Variants in RBM26 observed in about 807,000 individuals in gnomAD.
RBM26 encodes the protein RNA-binding protein 26.
A neutral mutation model predicts 123.6 loss-of-function variants in RBM26; 30 were observed. That is an observed-to-expected ratio of 0.24 (90% confidence interval 0.18 to 0.33). The LOEUF is 0.33. Among genes scored for constraint, RBM26 ranks in the 10% least tolerant of loss-of-function variants. RBM26 has a pLI of 1.00. For missense variants in RBM26, 947 were observed against 1,203.6 expected (o/e 0.79, Z 3.15); for synonymous variants, 400 against 404.4 (o/e 0.99, Z 0.13).
At chr13:79,366,941 A>G in intron 6 of RBM26, 69 bp from the exon 7 acceptor site, 1 of 1,312,520 alleles carries the variant, frequency 7.6e-7, no homozygotes, top group Admixed American at 2.5e-5. Context: ...CTAAGTTAGC[A>G]AAAGTAAAAT....
intron 2 of RBM26, 149 bp from the exon 3 acceptor site, chr13:79,377,664 C>T (rs1037944678): frequency 1.3e-4 from 88 of 671,516 alleles, no homozygotes; most frequent in African/African-American, 3.6e-4. Flanking sequence ...TGGTGGCTTA[C>T]GTCTGTAATC....
chr13:79,402,000 A>T (rs1365110691), intron 1 of RBM26, among the ~76,000 whole-genome samples: 1 of 147,926 alleles, frequency 6.8e-6, no homozygotes, highest in African/African-American at 2.5e-5. Flanking sequence ...TTAAAGTTTC[A>T]TTAGATGTTT....
In RBM26 at chr13:79,319,949, C is replaced by CTTTTTTTTTT. The variant is rs56071300; in HGVS notation, c.*662_*671dup. The stretch of plus-strand genomic sequence containing the variant: ...TTTAAATCAAGGAACATTGTCTTGG[C>CTTTTTTTTTT]TTTTTTTTTTTTTTTTTTTTTGTCA... On this transcript the variant is annotated 3_prime_UTR_variant, in exon 22 of 22. Transcript: ENST00000438737. The CTTTTTTTTTT allele has an allele frequency of 1.3e-4, 15 of 116,102 alleles. No homozygotes were observed. The highest frequency in any genetic ancestry group is 1.4e-4 in the Non-Finnish European group (15 of 104,538). The allele number at this position is 116,102 out of a possible 1,614,324, so 7.2% of individuals were successfully genotyped here.
chr13:79,314,255 G>C (rs144906740), downstream of RBM26: 3 of 151,588 alleles, frequency 2.0e-5, no homozygotes, highest in Admixed American at 2.0e-4. Context: ...GGTCGTCTTC[G>C]ATGTCTTGAT....
intron 3 of RBM26, among the ~76,000 whole-genome samples, chr13:79,374,378 T>C (rs532860212): frequency 9.8e-4 from 149 of 152,158 alleles, no homozygotes; most frequent in Non-Finnish European, 1.8e-3. Flanking sequence ...GGAGGGATAC[T>C]TGGGAGGCTG....
At chr13:79,376,247 T>G (rs2076659519) in intron 3 of RBM26, 2 of 152,210 alleles carry the variant, frequency 1.3e-5, no homozygotes, top group Non-Finnish European at 2.9e-5. Flanking sequence ...TTGCCTAGGC[T>G]GCAGTGTAAT....
At position 79,355,192 on chromosome 13, in the gene RBM26, C is replaced by A. The variant is rs781456128; in HGVS notation, c.1854+28G>T. 6 of 1,605,978 alleles carry A rather than the reference C, an allele frequency of 3.7e-6. No individual in the cohort carries two copies. The Admixed American group carries it at 8.4e-5, about 22-fold the overall frequency. On this transcript the variant is annotated intron_variant, in intron 12 of 21. Coordinates refer to ENST00000438737, the MANE Select transcript of RBM26 (RefSeq NM_001366735.2). ...TGCTAAGAGCTTTCTAAGAAATGCG[C>A]GTACTTTTACACAAATTCCTCTCTT... is the stretch of plus-strand genomic sequence containing the variant.
intron 15 of RBM26, 125 bp from the exon 16 acceptor site, chr13:79,344,447 G>T: frequency 1.1e-6 from 1 of 876,512 alleles, no homozygotes; most frequent in Non-Finnish European, 1.8e-6. Context: ...GCTTTTCTAT[G>T]TAAAACTTAA....
intron 1 of RBM26, among the ~76,000 whole-genome samples, chr13:79,394,998 A>C (rs1159119475): frequency 6.6e-6 from 1 of 152,170 alleles, no homozygotes; most frequent in African/African-American, 2.4e-5. Flanking sequence ...GAATCAAACG[A>C]AAGTTGTTAC....
rs2075598331 is a variant in RBM26 at position 79,368,895 on chromosome 13, C to A, written c.730G>T (p.Gly244Cys). ...PVSSVPSISS[G>C]HYPVPTLSST... ...CTCAAAGTAGGTACAGGGTAGTGGCCAGATGAAATACTAGGTACCGAAGAG... is the reference window on the plus strand; with the variant it reads ...CTCAAAGTAGGTACAGGGTAGTGGCAAGATGAAATACTAGGTACCGAAGAG... The change falls in exon 6 of 22, where the codon GGC becomes TGC. Residue 244 changes from glycine (G) to cysteine (C), a missense_variant. Physicochemically the swap from Gly to Cys is radical, Grantham distance 159. Transcript: ENST00000438737. 1 of 1,612,886 alleles carries A rather than the reference C, an allele frequency of 6.2e-7. No individual in the cohort carries two copies. The highest frequency in any genetic ancestry group is 1.3e-5 in the African/African-American group (1 of 74,890).
chr13:79,357,235 T>C (rs1399471967), intron 11 of RBM26, among the ~76,000 whole-genome samples: 2 of 152,148 alleles, frequency 1.3e-5, no homozygotes, highest in Non-Finnish European at 2.9e-5. Flanking sequence ...TGAATCTTTT[T>C]CCCGCTCTAT....
At chr13:79,361,662 T>C (rs2074700548) in intron 9 of RBM26, among the ~76,000 whole-genome samples, 1 of 152,194 alleles carries the variant, frequency 6.6e-6, no homozygotes, top group African/African-American at 2.4e-5. Flanking sequence ...TTAGGTATTA[T>C]ATTCCCTGGG....
In RBM26 at chr13:79,366,781, C is replaced by G. The variant is rs150410620; in HGVS notation, c.987G>C (p.Leu329=). The change falls in exon 7 of 22, where the codon CTG becomes CTC. Residue 329 remains leucine, a synonymous_variant. Transcript: ENST00000438737. The part of the protein sequence containing the change: ...VVEDVNLPGM[L]PFPAQPPVVE... Reference sequence around the variant, plus strand: ...CAACAGGAGGCTGTGCTGGGAAAGGCAGCATACCAGGAAGATTCACATCTT... The same window carrying G: ...CAACAGGAGGCTGTGCTGGGAAAGGGAGCATACCAGGAAGATTCACATCTT... 6.2e-7 allele frequency: 1 copy of G among 1,613,888 alleles called. No individual in the cohort carries two copies. The highest frequency in any genetic ancestry group is 8.5e-7 in the Non-Finnish European group (1 of 1,179,910).
At chr13:79,371,651 T>C (rs1321565862) in intron 4 of RBM26, among the ~76,000 whole-genome samples, 191 bp downstream of exon 4, 1 of 151,994 alleles carries the variant, frequency 6.6e-6, no homozygotes, top group Admixed American at 6.6e-5. Context: ...CAAGCACTGT[T>C]CTAAACTCAC....
chr13:79,399,611 C>T (rs2078893424), intron 1 of RBM26, among the ~76,000 whole-genome samples: 1 of 152,054 alleles, frequency 6.6e-6, no homozygotes, highest in Admixed American at 6.5e-5. Flanking sequence ...TCTGGGAATG[C>T]TGAAGGTTTT....
chr13:79,344,525 C>T (rs949819940), intron 15 of RBM26, 144 bp downstream of exon 15: 18 of 844,534 alleles, frequency 2.1e-5, no homozygotes, highest in Admixed American at 5.7e-5. Flanking sequence ...TTTTATTTAC[C>T]GCTATACTAT....
chr13:79,372,169 C>T (rs2075958261), intron 3 of RBM26, among the ~76,000 whole-genome samples: 1 of 152,126 alleles, frequency 6.6e-6, no homozygotes, highest in Admixed American at 6.6e-5. Context: ...ATCCCAGCTA[C>T]TCTGGAGGCT....
chr13:79,325,662 C>T (rs9318621), intron 20 of RBM26, among the ~76,000 whole-genome samples: 76,558 of 151,758 alleles, frequency 0.5, 19,678 homozygotes, highest in Middle Eastern at 0.6. Context: ...AAAGTAAAAG[C>T]TAGAGCAAAC....
downstream of RBM26, chr13:79,314,245 GGTC>G (rs1309155169): frequency 4.6e-5 from 7 of 151,558 alleles, no homozygotes; most frequent in Non-Finnish European, 1.0e-4. Context: ...TTGCTTTAAA[GGTC>G]GTCTTCGATG....
Sources: gnomAD v4.1 joint callset for allele counts (sites outside exome capture counted in the v4.1 genomes callset) on GRCh38, gnomAD v4.1.1 for gene constraint, MANE v1.5 for transcripts, NCBI Gene and HGNC (gene_info 2026-07-23, HGNC 2026-07-21) for gene names.